CHST11: variants seen among roughly 807,000 people sequenced by gnomAD.
The protein encoded by CHST11 is C4S-1.
Under a neutral mutation model 30.4 loss-of-function variants are expected in CHST11, and 9 were observed. The observed-to-expected ratio is 0.30, with a 90% confidence interval of 0.18 to 0.52. The LOEUF (loss-of-function observed/expected upper bound fraction) is 0.52, where lower values mean the gene tolerates loss of function less well. Ranked by LOEUF, CHST11 falls within the 20% of genes least tolerant of loss-of-function variation. The pLI, the probability that CHST11 is intolerant of heterozygous loss-of-function variation, is 0.97. For missense variants in CHST11, 348 were observed against 460.6 expected, an observed-to-expected ratio of 0.76 and a Z score of 2.24; for synonymous variants, 152 against 187.8, an observed-to-expected ratio of 0.81 and a Z score of 1.56.
chr12:104,544,518 C>T (rs1439478641), intron 1 of CHST11, among the ~76,000 whole-genome samples: 3 of 151,880 alleles, frequency 2.0e-5, no homozygotes, highest in South Asian at 4.2e-4. Flanking sequence ...ACCAGCCTGG[C>T]CAACATGGTG....
chr12:104,589,232 C>G (rs180802052), intron 1 of CHST11, among the ~76,000 whole-genome samples: 125 of 151,740 alleles, frequency 8.2e-4, no homozygotes, highest in African/African-American at 3.0e-3. Context: ...AAACCCATCT[C>G]TATAAAAAAA....
At position 104,458,689 on chromosome 12, in the gene CHST11, T is replaced by G. The variant is rs1272749131; in HGVS notation, c.118+1160T>G. ...GCCACGTTGGCTCAGAAATCCATTT[T>G]CTACGCCTCCGAGTTGCCTTTCTCA... On this transcript the variant is annotated intron_variant, in intron 1 of 2. Transcript: ENST00000303694. This position sits in a 1 kb window ranked among gnomAD's most constrained non-coding sequence, Gnocchi z 5.7. Among the ~76,000 whole-genome samples, 1 of 152,288 alleles carries G rather than the reference T, an allele frequency of 6.6e-6. No homozygotes were observed. Among genetic ancestry groups the G allele is most frequent in the East Asian group, 1.9e-4 (1 of 5,200 alleles).
chr12:104,546,134 T>A (rs1014906082), intron 1 of CHST11, among the ~76,000 whole-genome samples: 5 of 152,158 alleles, frequency 3.3e-5, no homozygotes, highest in Admixed American at 2.0e-4. Context: ...TGATCCATTT[T>A]TTTTTCTTTT....
chr12:104,459,204 C>G (rs761792250), intron 1 of CHST11, among the ~76,000 whole-genome samples: 40 of 152,216 alleles, frequency 2.6e-4, no homozygotes, highest in Non-Finnish European at 5.1e-4. Context: ...AAAAATGGAC[C>G]TGGCTTGCAT....
At chr12:104,475,376 GT>G (rs1354896194) in intron 1 of CHST11, among the ~76,000 whole-genome samples, 3 of 151,876 alleles carry the variant, frequency 2.0e-5, no homozygotes, top group Non-Finnish European at 4.4e-5. Flanking sequence ...AGAGTAATTA[GT>G]TTAGGGGAGG....
intron 2 of CHST11, among the ~76,000 whole-genome samples, chr12:104,633,184 C>T (rs2039288534): frequency 6.6e-6 from 1 of 152,166 alleles, no homozygotes; most frequent in African/African-American, 2.4e-5. Flanking sequence ...TTCAGCTGCT[C>T]CTGGGTTGGA....
chr12:104,714,765 G>C (rs1314065511), intron 2 of CHST11, among the ~76,000 whole-genome samples: 2 of 152,034 alleles, frequency 1.3e-5, no homozygotes, highest in African/African-American at 4.8e-5. Context: ...AGACTACCTG[G>C]GTTCCAAATC....
intron 1 of CHST11, among the ~76,000 whole-genome samples, chr12:104,561,960 A>G (rs1235582756): frequency 6.6e-6 from 1 of 151,902 alleles, no homozygotes; most frequent in Non-Finnish European, 1.5e-5. Context: ...AAGTCAGAGG[A>G]GGGATTGGAA....
chr12:104,681,143 T>C (rs747184466), intron 2 of CHST11, among the ~76,000 whole-genome samples: 2 of 152,246 alleles, frequency 1.3e-5, no homozygotes, highest in East Asian at 1.9e-4. Context: ...ACAACACTTC[T>C]CTAGTAACAC....
At chr12:104,484,124 C>T in intron 1 of CHST11, among the ~76,000 whole-genome samples, 1 of 152,288 alleles carries the variant, frequency 6.6e-6, no homozygotes, top group African/African-American at 2.4e-5. Flanking sequence ...GTCAGAGTGA[C>T]CCATTTCCTA....
At chr12:104,701,310 T>C (rs1230315678) in intron 2 of CHST11, among the ~76,000 whole-genome samples, 1 of 152,192 alleles carries the variant, frequency 6.6e-6, no homozygotes, top group East Asian at 1.9e-4. Flanking sequence ...ATCCCTTTGA[T>C]GTATCTGAAA....
chr12:104,704,121 A>G (rs1298895037), intron 2 of CHST11, among the ~76,000 whole-genome samples: 4 of 152,110 alleles, frequency 2.6e-5, no homozygotes, highest in Non-Finnish European at 5.9e-5. Flanking sequence ...GAAGCAATGC[A>G]CACACTGCTT....
intron 2 of CHST11, among the ~76,000 whole-genome samples, chr12:104,605,485 A>G (rs2038996502): frequency 1.3e-5 from 2 of 152,230 alleles, no homozygotes; most frequent in Admixed American, 6.5e-5. Context: ...AGGCTGAGGC[A>G]GGAGAATGGC....
At chr12:104,544,768 G>GCCCCCCCCCCC (rs1555231405) in intron 1 of CHST11, among the ~76,000 whole-genome samples, 1 of 51,932 alleles carries the variant, frequency 1.9e-5, no homozygotes, top group Admixed American at 2.7e-4. Context: ...GGGGGTCACA[G>GCCCCCCCCCCC]TCCCCCCACC....
intron 2 of CHST11, among the ~76,000 whole-genome samples, chr12:104,689,042 A>G (rs941244857): frequency 1.3e-5 from 2 of 152,252 alleles, no homozygotes; most frequent in South Asian, 2.1e-4. Context: ...TTCTTTCTAT[A>G]TACACACATT....
At chr12:104,637,442 A>T (rs1360259196) in intron 2 of CHST11, among the ~76,000 whole-genome samples, 3 of 152,106 alleles carry the variant, frequency 2.0e-5, no homozygotes, top group Admixed American at 6.5e-5. Context: ...CATATGTAAC[A>T]AACCTGCACG....
chr12:104,545,321 G>T (rs1781113282), intron 1 of CHST11, among the ~76,000 whole-genome samples: 1 of 152,218 alleles, frequency 6.6e-6, no homozygotes, highest in Admixed American at 6.5e-5. Flanking sequence ...CTGGCCACAT[G>T]TTGGGCTTTA....
chr12:104,724,986 C>T (rs992469683), intron 2 of CHST11, among the ~76,000 whole-genome samples: 1 of 152,114 alleles, frequency 6.6e-6, no homozygotes, highest in Non-Finnish European at 1.5e-5. Flanking sequence ...GAGTGGAATT[C>T]TCCCCAGTGT....
intron 1 of CHST11, among the ~76,000 whole-genome samples, chr12:104,583,493 C>T (rs1467799335): frequency 6.6e-6 from 1 of 152,182 alleles, no homozygotes. Context: ...AACAACCACA[C>T]TTGACACACA....
Sources: allele counts gnomAD v4.1 joint callset (sites outside exome capture counted in the v4.1 genomes callset), GRCh38; gene constraint gnomAD v4.1.1; non-coding constraint Gnocchi (gnomAD v3.1); transcripts MANE v1.5; gene names NCBI Gene and HGNC (gene_info 2026-07-23, HGNC 2026-07-21).